Variants in VPS50 observed in about 807,000 individuals in gnomAD.
The protein encoded by VPS50 is VPS50 subunit of EARP/GARPII complex.
VPS50 carries 70 observed loss-of-function variants against 139.7 expected under a neutral mutation model. The observed-to-expected ratio is 0.50, with a 90% CI of 0.41 to 0.61. VPS50 has a LOEUF of 0.61. Among genes scored for constraint, VPS50 ranks in the 20% least tolerant of loss-of-function variants. VPS50 has a pLI of 0.00. For missense variants in VPS50, 921 were observed against 1,133.7 expected (o/e 0.81, Z 2.69); for synonymous variants, 365 against 376.7 (o/e 0.97, Z 0.36).
chr7:93,262,911 T>C (rs1795728565), intron 9 of VPS50, among the ~76,000 whole-genome samples: 1 of 152,228 alleles, frequency 6.6e-6, no homozygotes, highest in Admixed American at 6.5e-5. Context: ...GTAGATGATA[T>C]AATGTGGGAT....
chr7:93,331,373 G>A (rs1049969699), intron 21 of VPS50, among the ~76,000 whole-genome samples: 1 of 151,930 alleles, frequency 6.6e-6, no homozygotes, highest in African/African-American at 2.4e-5. Flanking sequence ...TTACTCCAGA[G>A]CTACAGTAGT....
rs909183135 is a variant in VPS50 at position 93,256,684 on chromosome 7, T to G, written c.351+122T>G. The G allele has an allele frequency of 1.0e-5, 6 of 583,882 alleles. No homozygotes were observed. In the Admixed American group the frequency reaches 1.2e-4, roughly 11 times the overall value. 36.2% of individuals were successfully genotyped at this position (583,882 alleles called of 1,614,324 possible). On this transcript the variant is annotated intron_variant, in intron 5 of 27. Transcript: ENST00000305866. ...TCTGTAGCAGCATATTGACTGTTTT[T>G]GGGTGTGTTTGTGTATATGTATGTA...
intron 27 of VPS50, among the ~76,000 whole-genome samples, chr7:93,357,321 T>C (rs1375398410): frequency 2.6e-5 from 4 of 152,144 alleles, no homozygotes; most frequent in Non-Finnish European, 5.9e-5. Context: ...ACTTAGTACT[T>C]TGAAAGAGCT....
chr7:93,356,551 T>C (rs537714351), intron 27 of VPS50, among the ~76,000 whole-genome samples: 1 of 152,308 alleles, frequency 6.6e-6, no homozygotes, highest in East Asian at 1.9e-4. Context: ...AGTGAAGACA[T>C]TAATATTTAA....
rs71107889 is a variant in VPS50, at chr7:93,236,937, C to CTTTTTT, written c.34-2902_34-2897dup. On this transcript the variant is annotated intron_variant, in intron 1 of 27. Coordinates refer to ENST00000305866, the MANE Select transcript of VPS50 (RefSeq NM_017667.4). ...CTCACATACATGACCTCTTTTACTT[C>CTTTTTT]TTTTTTTTTTTTTTTTTTTTTTTTT... Among the ~76,000 whole-genome samples the CTTTTTT allele has an allele frequency of 3.1e-3, 97 of 31,066 alleles. 17 individuals carry two copies. The highest frequency in any genetic ancestry group is 3.9e-3 in the Non-Finnish European group (72 of 18,576). The allele number at this position is 31,066 out of a possible 152,430, so 20.4% of individuals were successfully genotyped here.
At chr7:93,286,207 C>T (rs192904174) in intron 12 of VPS50, among the ~76,000 whole-genome samples, 18 of 152,126 alleles carry the variant, frequency 1.2e-4, no homozygotes, top group African/African-American at 4.3e-4. Context: ...AAAAAAATTT[C>T]AAGATATGTT....
chr7:93,286,703 C>T (rs1440855578), intron 12 of VPS50, among the ~76,000 whole-genome samples: 1 of 152,074 alleles, frequency 6.6e-6, no homozygotes, highest in Non-Finnish European at 1.5e-5. Flanking sequence ...TGCTTATTCT[C>T]TGGCTTCATT....
At chr7:93,269,499 A>T (rs1584409455) in intron 9 of VPS50, among the ~76,000 whole-genome samples, 1 of 152,130 alleles carries the variant, frequency 6.6e-6, no homozygotes, top group Non-Finnish European at 1.5e-5. Context: ...TATGATAAAT[A>T]CTATTTGCAG....
At chr7:93,232,555 C>T in intron 1 of VPS50, 55 bp downstream of exon 1, 9 of 1,474,442 alleles carry the variant, frequency 6.1e-6, no homozygotes, top group South Asian at 1.1e-5. Context: ...TGAGAGGAGC[C>T]GAGATGTTCT....
intron 16 of VPS50, among the ~76,000 whole-genome samples, chr7:93,303,113 G>A (rs147356965): frequency 6.6e-6 from 1 of 151,824 alleles, no homozygotes; most frequent in Non-Finnish European, 1.5e-5. Flanking sequence ...TGATGTTTTA[G>A]CATCAATATA....
intron 14 of VPS50, among the ~76,000 whole-genome samples, chr7:93,295,750 G>A (rs1272115436): frequency 6.6e-6 from 1 of 151,322 alleles, no homozygotes; most frequent in Non-Finnish European, 1.5e-5. Flanking sequence ...ATTGAGACAG[G>A]GTCTCACTCT....
At position 93,306,011 on chromosome 7, in the gene VPS50, G is replaced by A. The variant is rs1227102258; in HGVS notation, c.1629+7G>A. 2 of 1,602,658 alleles carry A rather than the reference G, an allele frequency of 1.2e-6. No individual in the cohort carries two copies. The highest frequency in any genetic ancestry group is 8.5e-7 in the Non-Finnish European group (1 of 1,172,194). ...TGTCTTAGCTTCTAATGGGGTATGT[G>A]GTGTATGTGAAACATAAGTGAGTTT... On this transcript the variant is annotated splice_region_variant and intron_variant, in intron 18 of 27. Transcript: ENST00000305866.
chr7:93,345,967 G>A (rs1170615820), intron 23 of VPS50, among the ~76,000 whole-genome samples: 4 of 152,194 alleles, frequency 2.6e-5, no homozygotes, highest in African/African-American at 9.7e-5. Flanking sequence ...AGTGTTGGAA[G>A]TTCTGGCCAG....
chr7:93,242,490 T>C (rs1296994536), intron 2 of VPS50, among the ~76,000 whole-genome samples: 2 of 151,770 alleles, frequency 1.3e-5, no homozygotes, highest in African/African-American at 4.8e-5. Flanking sequence ...TATATATATA[T>C]ATATAACATA....
At chr7:93,257,908 G>A (rs770764767) in intron 6 of VPS50, 22 of 318,844 alleles carry the variant, frequency 6.9e-5, no homozygotes, top group Non-Finnish European at 9.6e-5. Context: ...GTTTTTAAGC[G>A]CTTATTCTCA....
chr7:93,301,628 A>G (rs1321095444), intron 16 of VPS50, among the ~76,000 whole-genome samples: 1 of 152,170 alleles, frequency 6.6e-6, no homozygotes, highest in Non-Finnish European at 1.5e-5. Context: ...TAGGGCCTCC[A>G]GAGAGTGGAG....
intron 20 of VPS50, among the ~76,000 whole-genome samples, chr7:93,322,844 T>G (rs1236520199): frequency 1.3e-5 from 2 of 152,216 alleles, no homozygotes; most frequent in Non-Finnish European, 2.9e-5. Flanking sequence ...CCATCCCTCT[T>G]GAACCCTTCC....
chr7:93,326,525 ATATT>A (rs1290675622), intron 21 of VPS50, among the ~76,000 whole-genome samples: 5 of 151,534 alleles, frequency 3.3e-5, no homozygotes, highest in Admixed American at 6.6e-5. Flanking sequence ...ATAATGAAAA[ATATT>A]TATTAAAATA....
At chr7:93,261,677 C>CAAAAAAA (rs71107890) in intron 9 of VPS50, among the ~76,000 whole-genome samples, 6 of 62,150 alleles carry the variant, frequency 9.7e-5, no homozygotes, top group Admixed American at 1.9e-4. Flanking sequence ...GACTCCGTCT[C>CAAAAAAA]AAAAAAAAAA....
Sources: allele counts gnomAD v4.1 joint callset (sites outside exome capture counted in the v4.1 genomes callset), GRCh38; gene constraint gnomAD v4.1.1; transcripts MANE v1.5; gene names NCBI Gene and HGNC (gene_info 2026-07-23, HGNC 2026-07-21).